Variants in TAS2R1 observed in about 807,000 individuals in gnomAD.
TAS2R1 encodes the protein taste receptor type 2 member 1.
For missense variants in TAS2R1, 370 were observed against 353.4 expected (o/e 1.05, Z -0.38); for synonymous variants, 141 against 134.2 (o/e 1.05, Z -0.35).
At chr5:9,745,904 G>A in the TAS2R1 span, among the ~76,000 whole-genome samples, 8 of 151,970 alleles carry the variant, frequency 5.3e-5, no homozygotes, top group Non-Finnish European at 4.4e-5. Context: ...AACAAAAGCC[G>A]AAATTGACAA....
chr5:9,880,401 T>G, the TAS2R1 span, among the ~76,000 whole-genome samples: 1 of 152,124 alleles, frequency 6.6e-6, no homozygotes, highest in Non-Finnish European at 1.5e-5. Flanking sequence ...AGCTGGGCCA[T>G]AGAGATGAAA....
chr5:9,841,356 C>T, the TAS2R1 span, among the ~76,000 whole-genome samples: 55 of 152,268 alleles, frequency 3.6e-4, no homozygotes, highest in African/African-American at 1.0e-3. Context: ...TGGTGCCTTT[C>T]GCCATATTTC....
chr5:9,673,914 C>A (rs915065303), intron 1 of TAS2R1, among the ~76,000 whole-genome samples: 3 of 152,170 alleles, frequency 2.0e-5, no homozygotes, highest in African/African-American at 7.2e-5. Context: ...GAAATAGCTG[C>A]AGCCCAATCC....
chr5:9,869,669 G>A, the TAS2R1 span, among the ~76,000 whole-genome samples: 3 of 152,214 alleles, frequency 2.0e-5, no homozygotes, highest in African/African-American at 2.4e-5. Flanking sequence ...ATAATTCATT[G>A]CTGAGGTAAT....
At position 9,648,458 on chromosome 5, in the gene TAS2R1, A is replaced by G. The variant is rs571395140; in HGVS notation, c.-81+10963T>C. Among the ~76,000 whole-genome samples the G allele has an allele frequency of 7.2e-5, 11 of 152,042 alleles. No homozygotes were observed. In the South Asian group the frequency reaches 2.3e-3, roughly 32 times the overall value. The stretch of plus-strand genomic sequence containing the variant: ...AGAGGACATATGAATGTCTTCTGTA[A>G]GGTTAGATGAAGATCCCAATGCACT... On this transcript the variant is annotated intron_variant, in intron 2 of 2. Transcript: ENST00000506620.
chr5:9,825,538 C>A, the TAS2R1 span, among the ~76,000 whole-genome samples: 1 of 152,220 alleles, frequency 6.6e-6, no homozygotes, highest in Admixed American at 6.5e-5. Flanking sequence ...TCACATTCTT[C>A]TGTAAGATGG....
the TAS2R1 span, among the ~76,000 whole-genome samples, chr5:9,859,523 T>C: frequency 6.6e-6 from 1 of 152,220 alleles, no homozygotes; most frequent in Non-Finnish European, 1.5e-5. Context: ...TGGCTTATGG[T>C]ATCCCATTGA....
At chr5:9,846,376 G>A in the TAS2R1 span, among the ~76,000 whole-genome samples, 1 of 152,128 alleles carries the variant, frequency 6.6e-6, no homozygotes, top group South Asian at 2.1e-4. Context: ...CATAGTCTGG[G>A]ACAATGTTCT....
At chr5:9,804,473 A>G in the TAS2R1 span, among the ~76,000 whole-genome samples, 1 of 152,200 alleles carries the variant, frequency 6.6e-6, no homozygotes, top group Non-Finnish European at 1.5e-5. Flanking sequence ...AACATTCTCC[A>G]AGATAGACCA....
the TAS2R1 span, among the ~76,000 whole-genome samples, chr5:9,855,690 T>C: frequency 6.6e-6 from 1 of 152,212 alleles, no homozygotes; most frequent in African/African-American, 2.4e-5. Flanking sequence ...GCCATTTGAG[T>C]ATAGCATGGA....
chr5:9,688,813 C>T (rs531625447), intron 1 of TAS2R1, among the ~76,000 whole-genome samples: 1 of 152,230 alleles, frequency 6.6e-6, no homozygotes, highest in South Asian at 2.1e-4. Context: ...GAAGCCCACA[C>T]ACATGCTTTG....
chr5:9,704,672 C>G lies in TAS2R1; in HGVS notation c.-242+7500G>C, dbSNP rs1168977963. ...AGACAAGTGGCCAACTAATATACAA[C>G]TGAGGTTCATACTAACTTATAACAG... On this transcript the variant is annotated intron_variant, in intron 1 of 2. Transcript: ENST00000506620. 2.6e-5 allele frequency among the ~76,000 whole-genome samples: 4 copies of G among 152,174 alleles called. No individual in the cohort carries two copies. The South Asian group carries it at 8.3e-4, about 31-fold the overall frequency.
chr5:9,745,903 C>T, the TAS2R1 span, among the ~76,000 whole-genome samples: 6 of 151,988 alleles, frequency 3.9e-5, no homozygotes, highest in African/African-American at 9.7e-5. Context: ...CAACAAAAGC[C>T]GAAATTGACA....
the TAS2R1 span, among the ~76,000 whole-genome samples, chr5:9,857,427 A>G: frequency 6.6e-6 from 1 of 152,180 alleles, no homozygotes; most frequent in Non-Finnish European, 1.5e-5. Flanking sequence ...AAATGTGAAC[A>G]ACTGGTATAT....
At chr5:9,659,639 A>G (rs1740490836) in intron 1 of TAS2R1, 1 of 152,042 alleles carries the variant, frequency 6.6e-6, no homozygotes. Flanking sequence ...CTAGAAAGAA[A>G]AACACATGGC....
the TAS2R1 span, among the ~76,000 whole-genome samples, chr5:9,883,144 A>T: frequency 6.6e-6 from 1 of 152,172 alleles, no homozygotes; most frequent in East Asian, 1.9e-4. Flanking sequence ...CAAACACCAC[A>T]TGTTCTCACT....
At chr5:9,887,089 G>A in the TAS2R1 span, among the ~76,000 whole-genome samples, 2 of 152,176 alleles carry the variant, frequency 1.3e-5, no homozygotes, top group East Asian at 3.8e-4. Flanking sequence ...CTACCAAAGT[G>A]TTTTCCAAAG....
At chr5:9,735,848 A>G in the TAS2R1 span, among the ~76,000 whole-genome samples, 2 of 152,252 alleles carry the variant, frequency 1.3e-5, no homozygotes, top group Non-Finnish European at 2.9e-5. Context: ...ATTATGCTGC[A>G]TATGGAGATA....
chr5:9,693,732 T>C (rs1741300861), intron 1 of TAS2R1, among the ~76,000 whole-genome samples: 1 of 152,088 alleles, frequency 6.6e-6, no homozygotes, highest in South Asian at 2.1e-4. Context: ...TCTGTCTTGA[T>C]GCTTTCTGTC....
Sources: allele counts gnomAD v4.1 joint callset (sites outside exome capture counted in the v4.1 genomes callset), GRCh38; gene constraint gnomAD v4.1.1; transcripts MANE v1.5; gene names NCBI Gene and HGNC (gene_info 2026-07-23, HGNC 2026-07-21).